Variants in GLS observed in about 807,000 individuals in gnomAD.
GLS encodes the protein glutaminase.
In GLS, 36 loss-of-function variants were observed where a neutral mutation model predicts 86.7. That is an observed-to-expected ratio of 0.42 (90% CI 0.32 to 0.55). GLS has a LOEUF of 0.55. Ranked by LOEUF, GLS falls within the 20% of genes least tolerant of loss-of-function variation. The probability of loss-of-function intolerance (pLI) is 0.17; values close to 1 mark genes in which losing one functional copy is unlikely to be tolerated. For missense variants in GLS, 528 were observed against 833.4 expected, an observed-to-expected ratio of 0.63 and a Z score of 4.51; for synonymous variants, 317 against 305.9, an observed-to-expected ratio of 1.04 and a Z score of -0.38.
rs992068613 is a variant in GLS, at chr2:190,924,188, A to G, written c.1197+205A>G. ...GATTTGTATCTGGCAGCATTTAAAT[A>G]TTTGACTCATATTATTTATTAATAC... On this transcript the variant is annotated intron_variant, in intron 10 of 17. Transcript: ENST00000320717. The surrounding 1 kb of genome is among the most constrained non-coding windows in gnomAD (Gnocchi z 5.2). Among the ~76,000 whole-genome samples, 2 of 152,162 alleles carry G rather than the reference A, an allele frequency of 1.3e-5. No individual in the cohort carries two copies. The highest frequency in any genetic ancestry group is 2.9e-5 in the Non-Finnish European group (2 of 68,014).
At chr2:190,941,485 G>A (rs1216698268) in intron 14 of GLS, among the ~76,000 whole-genome samples, 1 of 152,054 alleles carries the variant, frequency 6.6e-6, no homozygotes, top group Non-Finnish European at 1.5e-5. Flanking sequence ...TATCTTTAAT[G>A]TTTCATTTCT....
chr2:190,931,192 G>A (rs1050213423), intron 13 of GLS, among the ~76,000 whole-genome samples: 13 of 152,178 alleles, frequency 8.5e-5, no homozygotes, highest in Admixed American at 6.5e-4. Context: ...ACCTTGGAGT[G>A]CATATAAAAT....
Position 190,905,419 on chromosome 2 carries a change from C to T in GLS, c.979+252C>T, listed in dbSNP as rs909590535. On this transcript the variant is annotated intron_variant, in intron 6 of 17. Coordinates refer to ENST00000320717, the MANE Select transcript of GLS (RefSeq NM_014905.5). This position sits in a 1 kb window ranked among gnomAD's most constrained non-coding sequence, Gnocchi z 4.6. ...CCTTTAGGGAAATATAGCGAAATCT[C>T]AAAATACATGAGATTTGCTTTAAAA... The T allele has an allele frequency of 2.0e-4, 74 of 362,504 alleles. 3 individuals carry two copies. Among genetic ancestry groups the T allele is most frequent in the Admixed American group, 9.1e-4 (21 of 23,050 alleles). The allele number at this position is 362,504 out of a possible 1,614,324, so 22.5% of individuals were successfully genotyped here.
chr2:190,884,316 C>G lies in GLS; in HGVS notation c.386+2846C>G, dbSNP rs188313627. Among the ~76,000 whole-genome samples the G allele has an allele frequency of 1.6e-4, 24 of 152,228 alleles. No homozygotes were observed. The East Asian group carries it at 4.4e-3, about 28-fold the overall frequency. On this transcript the variant is annotated intron_variant, in intron 1 of 17. Transcript: ENST00000320717. The stretch of plus-strand genomic sequence containing the variant: ...TCCAAAGCTCTGTTCTTAAATTTGT[C>G]GCCACATATTCAATGACTTCAAATT...
Position 190,895,636 on chromosome 2 carries a change from T to C in GLS, c.516T>C (p.Asp172=). 6.2e-7 allele frequency: 1 copy of C among 1,605,918 alleles called. No individual in the cohort carries two copies. Among genetic ancestry groups the C allele is most frequent in the Non-Finnish European group, 8.5e-7 (1 of 1,173,482 alleles). Residue 172 remains aspartate, a synonymous_variant, in exon 3 of 18, where the codon GAT becomes GAC. Transcript: ENST00000320717. This position sits in a 1 kb window ranked among gnomAD's most constrained non-coding sequence, Gnocchi z 4.2. Reference sequence around the variant, plus strand: ...AATCTACAGGATTGCGAACGTCTGATCCCAGGTTGAAAGAGTGTATGGATA... The same window carrying C: ...AATCTACAGGATTGCGAACGTCTGACCCCAGGTTGAAAGAGTGTATGGATA... ...ALKSTGLRTS[D]PRLKECMDML...
intron 17 of GLS, among the ~76,000 whole-genome samples, chr2:190,961,084 T>C (rs1558997947): frequency 6.6e-6 from 1 of 152,248 alleles, no homozygotes; most frequent in Non-Finnish European, 1.5e-5. Context: ...AAAGTAGATG[T>C]ACCCACCTGA....
chr2:190,885,833 T>C (rs1170142689), intron 1 of GLS, among the ~76,000 whole-genome samples: 1 of 151,910 alleles, frequency 6.6e-6, no homozygotes, highest in Non-Finnish European at 1.5e-5. Context: ...AGGTGATGAT[T>C]ATCAGTGAGT....
rs114265180 is a variant in GLS at position 190,916,437 on chromosome 2, G to A, written c.1039-4587G>A. On this transcript the variant is annotated intron_variant, in intron 7 of 17. Coordinates refer to ENST00000320717, the MANE Select transcript of GLS (RefSeq NM_014905.5). ...GGGTGGTTTACTCTCTTTTGTATATGTAGGCATGTGCTTTTCCTAAGAGCT... is the reference window on the plus strand; with the variant it reads ...GGGTGGTTTACTCTCTTTTGTATATATAGGCATGTGCTTTTCCTAAGAGCT... Among the ~76,000 whole-genome samples the A allele has an allele frequency of 4.4e-3, 664 of 152,090 alleles. 4 individuals carry two copies. Among genetic ancestry groups the A allele is most frequent in the African/African-American group, 0.015 (627 of 41,480 alleles).
intron 14 of GLS, among the ~76,000 whole-genome samples, chr2:190,932,088 G>T (rs545191131): frequency 6.6e-6 from 1 of 151,440 alleles, no homozygotes; most frequent in South Asian, 2.1e-4. Context: ...AATGGAAAAG[G>T]ATTATCATAT....
chr2:190,934,706 G>A, intron 14 of GLS: 1 of 972,454 alleles, frequency 1.0e-6, no homozygotes, highest in Non-Finnish European at 1.2e-6. Context: ...ATACATAGCT[G>A]TATAGATTTC....
intron 14 of GLS, among the ~76,000 whole-genome samples, chr2:190,946,649 C>T (rs1178863638): frequency 6.6e-6 from 1 of 151,980 alleles, no homozygotes; most frequent in Non-Finnish European, 1.5e-5. Flanking sequence ...AAGTGTAAAA[C>T]CAGTGAACCA....
intron 17 of GLS, among the ~76,000 whole-genome samples, chr2:190,957,416 T>C (rs1690886358): frequency 6.6e-6 from 1 of 152,218 alleles, no homozygotes; most frequent in Admixed American, 6.5e-5. Context: ...CCTTGCCTGA[T>C]TGTCCTAGCC....
rs373752994 is a variant in GLS, at chr2:190,915,248, C to T, written c.1038+4927C>T. Among the ~76,000 whole-genome samples the T allele has an allele frequency of 8.6e-5, 13 of 151,864 alleles. No individual in the cohort carries two copies. In the East Asian group the frequency reaches 9.7e-4, roughly 11 times the overall value. ...ATCTCCTGACCTCATGATCTGCCTC[C>T]CTCAGCCTCCCAAAGTGCTGGGATT... On this transcript the variant is annotated intron_variant, in intron 7 of 17. Coordinates refer to ENST00000320717, the MANE Select transcript of GLS (RefSeq NM_014905.5).
chr2:190,900,838 G>A lies in GLS; in HGVS notation c.735+145G>A, dbSNP rs1438286571. On this transcript the variant is annotated intron_variant, in intron 4 of 17. Transcript: ENST00000320717. The stretch of plus-strand genomic sequence containing the variant: ...TTAAGAAATTTAAGTGAAGCCACTG[G>A]ATTTAGTGTTTTTACGGTATTTTAA... 1.7e-4 allele frequency: 87 copies of A among 507,268 alleles called. 1 individual carries two copies. The East Asian group carries it at 2.9e-3, about 17-fold the overall frequency. 31.4% of individuals were successfully genotyped at this position (507,268 alleles called of 1,614,324 possible). A position where few individuals can be genotyped will look rare whatever the true frequency, so the allele number is the denominator to read the frequency against.
chr2:190,960,333 A>G (rs1690968257), intron 17 of GLS, among the ~76,000 whole-genome samples: 1 of 138,334 alleles, frequency 7.2e-6, no homozygotes, highest in Non-Finnish European at 1.6e-5. Context: ...CTTTAGCTGT[A>G]TTGTGTTTCT....
chr2:190,937,442 G>T (rs938754864), intron 14 of GLS, among the ~76,000 whole-genome samples: 1 of 151,076 alleles, frequency 6.6e-6, no homozygotes, highest in Non-Finnish European at 1.5e-5. Context: ...ATGAAACAGC[G>T]GGCAAAATGT....
intron 6 of GLS, among the ~76,000 whole-genome samples, chr2:190,908,808 T>C (rs1315063352): frequency 6.6e-6 from 1 of 152,240 alleles, no homozygotes; most frequent in Non-Finnish European, 1.5e-5. Context: ...TACATACATC[T>C]GAAAATTGGG....
rs1235084114 is a variant in GLS, at chr2:190,880,912, G to GCAC, written c.-171_-170insCCA. 1,057 of 946,816 alleles carry GCAC rather than the reference G, an allele frequency of 1.1e-3. 24 individuals carry two copies. In the South Asian group the frequency reaches 0.012, roughly 11 times the overall value. 58.7% of individuals were successfully genotyped at this position (946,816 alleles called of 1,614,324 possible). On this transcript the variant is annotated 5_prime_UTR_variant, in exon 1 of 18. Coordinates refer to ENST00000320717, the MANE Select transcript of GLS (RefSeq NM_014905.5). ...AGCAGCAGCAGCAGCAGCAGCAGCA[G>GCAC]CAGCAGCACCCGCATCCGCTGCGGG...
At position 190,905,188 on chromosome 2, in the gene GLS, G is replaced by T; in HGVS notation, c.979+21G>T. On this transcript the variant is annotated intron_variant, in intron 6 of 17. Coordinates refer to ENST00000320717, the MANE Select transcript of GLS (RefSeq NM_014905.5). This position sits in a 1 kb window ranked among gnomAD's most constrained non-coding sequence, Gnocchi z 4.6. ...AGATGGTAAGAATTACATAAACATT[G>T]GTTGAAAAAAGAAATGTCTCATTTT... 3 of 1,443,602 alleles carry T rather than the reference G, an allele frequency of 2.1e-6. No individual in the cohort carries two copies. The highest frequency in any genetic ancestry group is 1.2e-5 in the South Asian group (1 of 82,056). The allele number at this position is 1,443,602 out of a possible 1,614,324, so 89.4% of individuals were successfully genotyped here. A position where few individuals can be genotyped will look rare whatever the true frequency, so the allele number is the denominator to read the frequency against.
Sources: gnomAD v4.1 joint callset for allele counts (sites outside exome capture counted in the v4.1 genomes callset) on GRCh38, gnomAD v4.1.1 for gene constraint, Gnocchi (gnomAD v3.1) non-coding constraint, MANE v1.5 for transcripts, NCBI Gene and HGNC (gene_info 2026-07-23, HGNC 2026-07-21) for gene names.